The following MTUS2 variants were observed in gnomAD, a reference collection of about 807,000 sequenced individuals.
The protein encoded by MTUS2 is microtubule-associated tumor suppressor candidate 2.
MTUS2 carries 40 observed loss-of-function variants against 114.1 expected under a neutral mutation model. That is an observed-to-expected ratio of 0.35 (90% CI 0.27 to 0.46). The LOEUF is 0.46. Among genes scored for constraint, MTUS2 ranks in the 20% least tolerant of loss-of-function variants. The probability of loss-of-function intolerance (pLI) is 1.00; values close to 1 mark genes in which losing one functional copy is unlikely to be tolerated. For synonymous variants in MTUS2, 688 were observed against 672.0 expected, an observed-to-expected ratio of 1.02 and a Z score of -0.37; for missense variants, 1,679 against 1,705.4, an observed-to-expected ratio of 0.98 and a Z score of 0.27.
At chr13:29,221,823 GT>G (rs1444630686) in intron 5 of MTUS2, among the ~76,000 whole-genome samples, 1 of 151,750 alleles carries the variant, frequency 6.6e-6, no homozygotes. Flanking sequence ...CCTTACCTGT[GT>G]TTTTTTCCCA....
At chr13:29,340,718 G>A (rs964793285) in intron 7 of MTUS2, among the ~76,000 whole-genome samples, 2 of 152,092 alleles carry the variant, frequency 1.3e-5, no homozygotes, top group Admixed American at 1.3e-4. Flanking sequence ...GTTCTTTAGT[G>A]GTGATTTCTG....
chr13:29,028,715 T>C (rs1886677443), intron 3 of MTUS2, among the ~76,000 whole-genome samples: 1 of 152,144 alleles, frequency 6.6e-6, no homozygotes, highest in Admixed American at 6.5e-5. Flanking sequence ...ATAAATACTT[T>C]TTTAGTTTTC....
chr13:29,008,106 T>G (rs1325940659), intron 2 of MTUS2, among the ~76,000 whole-genome samples: 1 of 152,210 alleles, frequency 6.6e-6, no homozygotes, highest in Non-Finnish European at 1.5e-5. Context: ...CATTTCCTCT[T>G]TCTCATTGCT....
chr13:29,266,753 G>A (rs1897682206), intron 5 of MTUS2, among the ~76,000 whole-genome samples: 1 of 152,136 alleles, frequency 6.6e-6, no homozygotes, highest in Admixed American at 6.5e-5. Flanking sequence ...AAAATATGTG[G>A]CTATGATAGG....
intron 5 of MTUS2, among the ~76,000 whole-genome samples, chr13:29,123,096 C>T (rs967988138): frequency 6.6e-6 from 1 of 152,110 alleles, no homozygotes; most frequent in African/African-American, 2.4e-5. Flanking sequence ...TTCTATGCTT[C>T]AGATTTTAAA....
intron 2 of MTUS2, among the ~76,000 whole-genome samples, chr13:28,958,312 G>C (rs929586812): frequency 1.3e-5 from 2 of 152,216 alleles, no homozygotes; most frequent in Non-Finnish European, 2.9e-5. Context: ...TTTCCCGCAA[G>C]CCTACTGCTT....
intron 6 of MTUS2, among the ~76,000 whole-genome samples, chr13:29,295,295 G>C (rs1305427508): frequency 6.6e-6 from 1 of 151,990 alleles, no homozygotes; most frequent in Non-Finnish European, 1.5e-5. Flanking sequence ...CAATCTTCTA[G>C]CTATTTGAGA....
intron 5 of MTUS2, among the ~76,000 whole-genome samples, chr13:29,218,108 C>T (rs1895753668): frequency 6.6e-6 from 1 of 151,874 alleles, no homozygotes; most frequent in Non-Finnish European, 1.5e-5. Flanking sequence ...AAGAGTGAGA[C>T]CTTGTCCCTC....
At chr13:29,097,265 T>G (rs1890216826) in intron 4 of MTUS2, among the ~76,000 whole-genome samples, 1 of 152,220 alleles carries the variant, frequency 6.6e-6, no homozygotes, top group South Asian at 2.1e-4. Flanking sequence ...TTTCTTTAAG[T>G]GCTACATGTT....
At chr13:29,015,989 C>T (rs1438947636) in intron 2 of MTUS2, among the ~76,000 whole-genome samples, 1 of 152,242 alleles carries the variant, frequency 6.6e-6, no homozygotes, top group Admixed American at 6.5e-5. Flanking sequence ...AGTGCAACCT[C>T]CGCCTCCTGG....
At chr13:29,115,393 T>G (rs1891047983) in intron 5 of MTUS2, among the ~76,000 whole-genome samples, 1 of 152,214 alleles carries the variant, frequency 6.6e-6, no homozygotes, top group Non-Finnish European at 1.5e-5. Context: ...ATGTGTGAAT[T>G]TGGCATTGGG....
At chr13:28,870,090 C>T (rs1038078444) in intron 2 of MTUS2, among the ~76,000 whole-genome samples, 18 of 152,138 alleles carry the variant, frequency 1.2e-4, no homozygotes, top group Middle Eastern at 3.4e-3. Flanking sequence ...TTAGCATATC[C>T]ATCACTTCAA....
At chr13:29,174,766 G>A (rs1158475428) in intron 5 of MTUS2, among the ~76,000 whole-genome samples, 2 of 152,074 alleles carry the variant, frequency 1.3e-5, no homozygotes, top group African/African-American at 2.4e-5. Flanking sequence ...TAAATGGAAG[G>A]GTTTGTCCCT....
At chr13:29,254,019 C>A (rs1417989622) in intron 5 of MTUS2, among the ~76,000 whole-genome samples, 2 of 152,098 alleles carry the variant, frequency 1.3e-5, no homozygotes, top group Admixed American at 6.6e-5. Context: ...CACAGCTAAA[C>A]CATATCAAAG....
intron 2 of MTUS2, among the ~76,000 whole-genome samples, chr13:28,844,082 A>G (rs895213438): frequency 4.6e-5 from 7 of 152,212 alleles, no homozygotes; most frequent in African/African-American, 1.4e-4. Context: ...TGTATGAGTT[A>G]TTGCTTCAAT....
intron 9 of MTUS2, among the ~76,000 whole-genome samples, chr13:29,457,103 A>G (rs1351108658): frequency 1.3e-5 from 2 of 151,500 alleles, no homozygotes; most frequent in East Asian, 3.9e-4. Context: ...CGAGATCGCG[A>G]CACTGCACTC....
At chr13:29,041,356 G>A (rs1260949227) in intron 4 of MTUS2, among the ~76,000 whole-genome samples, 1 of 152,008 alleles carries the variant, frequency 6.6e-6, no homozygotes, top group Non-Finnish European at 1.5e-5. Flanking sequence ...TTAGCCTTAT[G>A]GTATAGTTTG....
chr13:28,982,767 A>T (rs569896367), intron 2 of MTUS2, among the ~76,000 whole-genome samples: 1 of 152,380 alleles, frequency 6.6e-6, no homozygotes, highest in Admixed American at 6.5e-5. Context: ...GTTAAAGGAA[A>T]TAAGCCAGTC....
At chr13:29,460,895 TAAA>T (rs778237549) in intron 9 of MTUS2, among the ~76,000 whole-genome samples, 4 of 138,490 alleles carry the variant, frequency 2.9e-5, no homozygotes, top group African/African-American at 7.9e-5. Context: ...GTCAACAATC[TAAA>T]AAAAAAAAAA....
Sources: gnomAD v4.1 joint callset for allele counts (sites outside exome capture counted in the v4.1 genomes callset) on GRCh38, gnomAD v4.1.1 for gene constraint, MANE v1.5 for transcripts, NCBI Gene and HGNC (gene_info 2026-07-23, HGNC 2026-07-21) for gene names.